The following RALYL variants were observed in gnomAD, a reference collection of about 807,000 sequenced individuals.
The protein encoded by RALYL is RNA-binding Raly-like protein.
RALYL carries 29 observed loss-of-function variants against 35.1 expected under a neutral mutation model. The ratio of observed to expected loss-of-function variants is 0.83; its 90% CI spans 0.61 to 1.13. RALYL has a LOEUF of 1.13. RALYL is among the 50% of genes most tolerant of loss of function. The pLI, the probability that RALYL is intolerant of heterozygous loss-of-function variation, is 0.00. For synonymous variants in RALYL, 120 were observed against 127.6 expected (o/e 0.94, Z 0.40); for missense variants, 359 against 360.4 (o/e 1.00, Z 0.03).
chr8:84,842,623 C>A (rs559262536), intron 4 of RALYL, among the ~76,000 whole-genome samples: 2 of 152,250 alleles, frequency 1.3e-5, no homozygotes, highest in East Asian at 1.9e-4. Flanking sequence ...TTTTATGAGG[C>A]CTGCATCATA....
At chr8:84,284,553 C>T (rs1837244072) in intron 1 of RALYL, among the ~76,000 whole-genome samples, 1 of 152,066 alleles carries the variant, frequency 6.6e-6, no homozygotes, top group Admixed American at 6.6e-5. Flanking sequence ...TCAATTTTTT[C>T]TTGTTTACAA....
At chr8:84,826,969 A>C (rs1829860140) in intron 4 of RALYL, among the ~76,000 whole-genome samples, 1 of 152,148 alleles carries the variant, frequency 6.6e-6, no homozygotes, top group African/African-American at 2.4e-5. Context: ...CAAAAATACT[A>C]AAAAACTCAT....
intron 1 of RALYL, among the ~76,000 whole-genome samples, chr8:84,335,255 C>A (rs756377786): frequency 6.6e-6 from 1 of 152,166 alleles, no homozygotes; most frequent in Non-Finnish European, 1.5e-5. Context: ...ACGACATATT[C>A]TCAGCTTCTG....
At chr8:84,851,276 T>C (rs988169891) in intron 5 of RALYL, among the ~76,000 whole-genome samples, 6 of 150,624 alleles carry the variant, frequency 4.0e-5, no homozygotes, top group African/African-American at 1.0e-4. Context: ...TTAGTGATCA[T>C]TGTTATTATC....
At chr8:84,530,958 G>C (rs1276134222) in intron 2 of RALYL, among the ~76,000 whole-genome samples, 4 of 152,026 alleles carry the variant, frequency 2.6e-5, no homozygotes, top group Non-Finnish European at 5.9e-5. Context: ...CTAATTATTT[G>C]CTCCTTTCTT....
intron 2 of RALYL, among the ~76,000 whole-genome samples, chr8:84,735,821 A>AT (rs1847189304): frequency 6.7e-6 from 1 of 149,888 alleles, no homozygotes; most frequent in African/African-American, 2.5e-5. Flanking sequence ...CGAGAGAGAG[A>AT]GAGAGAGAGA....
rs1397864734 is a variant in RALYL, at chr8:84,392,209, T to C, written c.-23-137090T>C. Among the ~76,000 whole-genome samples the C allele has an allele frequency of 2.0e-5, 3 of 152,184 alleles. No individual in the cohort carries two copies. The South Asian group carries it at 6.2e-4, about 31-fold the overall frequency. ...GCCACTGCAGAAGAGTTTAATATGG[T>C]ACAATAATAATTCTTATTTTTCTCT... is the stretch of plus-strand genomic sequence containing the variant. On this transcript the variant is annotated intron_variant, in intron 1 of 8. Coordinates refer to ENST00000521268, the MANE Select transcript of RALYL (RefSeq NM_173848.7).
intron 1 of RALYL, among the ~76,000 whole-genome samples, chr8:84,237,150 C>G (rs1013136024): frequency 6.6e-6 from 1 of 152,152 alleles, no homozygotes; most frequent in Non-Finnish European, 1.5e-5. Flanking sequence ...AAATAAGTTA[C>G]AGGAAACCTA....
rs1159651487 is a variant in RALYL, at chr8:84,644,356, A to G, written c.256+114779A>G. 3.3e-5 allele frequency among the ~76,000 whole-genome samples: 5 copies of G among 152,226 alleles called. No homozygotes were observed. The East Asian group carries it at 7.8e-4, about 24-fold the overall frequency. On this transcript the variant is annotated intron_variant, in intron 2 of 8. Coordinates refer to ENST00000521268, the MANE Select transcript of RALYL (RefSeq NM_173848.7). Reference sequence around the variant, plus strand: ...ACTTAACAAATATTGAACATCTTGTATGAGCTAGGCTTTATTCTAGAAATT... The same window carrying G: ...ACTTAACAAATATTGAACATCTTGTGTGAGCTAGGCTTTATTCTAGAAATT...
At chr8:84,439,764 C>T (rs983066874) in intron 1 of RALYL, among the ~76,000 whole-genome samples, 6 of 151,996 alleles carry the variant, frequency 3.9e-5, no homozygotes, top group African/African-American at 1.2e-4. Context: ...AATTTAATAA[C>T]CTGTCAGATT....
chr8:84,825,145 C>T (rs1364151022), intron 4 of RALYL, among the ~76,000 whole-genome samples: 1 of 151,928 alleles, frequency 6.6e-6, no homozygotes, highest in African/African-American at 2.4e-5. Context: ...GAACTTAAAT[C>T]ATCAAGCAAA....
At chr8:84,353,854 A>C (rs1851351075) in intron 1 of RALYL, among the ~76,000 whole-genome samples, 1 of 150,020 alleles carries the variant, frequency 6.7e-6, no homozygotes, top group African/African-American at 2.5e-5. Context: ...TAGTGTCATA[A>C]ATGTCTTTGT....
At chr8:84,603,486 A>C (rs1225817336) in intron 2 of RALYL, among the ~76,000 whole-genome samples, 2 of 152,076 alleles carry the variant, frequency 1.3e-5, no homozygotes, top group African/African-American at 4.8e-5. Flanking sequence ...GAAAATATTA[A>C]AAGAGTCAGA....
At chr8:84,208,069 G>A (rs1818504450) in intron 1 of RALYL, among the ~76,000 whole-genome samples, 1 of 151,988 alleles carries the variant, frequency 6.6e-6, no homozygotes, top group African/African-American at 2.4e-5. Flanking sequence ...ACGGATCAAA[G>A]CCACCGTTTT....
chr8:84,778,758 G>A (rs1817432952), intron 3 of RALYL, among the ~76,000 whole-genome samples: 1 of 152,180 alleles, frequency 6.6e-6, no homozygotes, highest in East Asian at 1.9e-4. Context: ...TAGGCAACAA[G>A]GAACCACTTA....
At chr8:84,891,415 C>T (rs1412134452) in intron 8 of RALYL, among the ~76,000 whole-genome samples, 1 of 152,164 alleles carries the variant, frequency 6.6e-6, no homozygotes, top group Admixed American at 6.6e-5. Context: ...CAGTTTTACT[C>T]TGGATGCATG....
chr8:84,855,151 T>G (rs1212118021), intron 5 of RALYL, among the ~76,000 whole-genome samples: 1 of 152,160 alleles, frequency 6.6e-6, no homozygotes, highest in African/African-American at 2.4e-5. Flanking sequence ...GCTCCAACCT[T>G]GCAGTCTCTT....
At chr8:84,184,775 C>G (rs1031806401) in intron 1 of RALYL, 20 of 460,060 alleles carry the variant, frequency 4.3e-5, no homozygotes, top group African/African-American at 3.7e-4. Context: ...TCTCCGAGGG[C>G]CACTTGCACA....
At chr8:84,824,028 G>GA (rs1253885125) in intron 4 of RALYL, among the ~76,000 whole-genome samples, 16 of 151,830 alleles carry the variant, frequency 1.1e-4, no homozygotes, top group African/African-American at 3.4e-4. Flanking sequence ...TCAGTCAAGA[G>GA]AAAAAAATAC....
Sources: gnomAD v4.1 joint callset for allele counts (sites outside exome capture counted in the v4.1 genomes callset) on GRCh38, gnomAD v4.1.1 for gene constraint, MANE v1.5 for transcripts, NCBI Gene and HGNC (gene_info 2026-07-23, HGNC 2026-07-21) for gene names.